The following FNDC3A variants were observed in gnomAD, a reference collection of about 807,000 sequenced individuals.
FNDC3A encodes fibronectin type-III domain-containing protein 3A.
Under a neutral mutation model 148.9 loss-of-function variants are expected in FNDC3A, and 32 were observed. The observed-to-expected ratio is 0.21, with a 90% CI of 0.16 to 0.29. The LOEUF is 0.29. Among genes scored for constraint, FNDC3A ranks in the 10% least tolerant of loss-of-function variants. The pLI, the probability that FNDC3A is intolerant of heterozygous loss-of-function variation, is 1.00. For synonymous variants in FNDC3A, 472 were observed against 473.6 expected (o/e 1.00, Z 0.04); for missense variants, 1,191 against 1,452.8 (o/e 0.82, Z 2.93).
chr13:49,007,768 G>T lies in FNDC3A; in HGVS notation c.99+1479G>T, dbSNP rs191096955. 5.2e-4 allele frequency among the ~76,000 whole-genome samples: 79 copies of T among 152,216 alleles called. 1 individual carries two copies. The highest frequency in any genetic ancestry group is 2.2e-3 in the Admixed American group (33 of 15,276). On this transcript the variant is annotated intron_variant, in intron 2 of 25. Transcript: ENST00000492622. The stretch of plus-strand genomic sequence containing the variant: ...GATCTGGGAATAGAAGAACCTACTA[G>T]CAAGATTTAAAGGAGCAGGTGGAGT...
chr13:49,001,804 C>T (rs569307113), intron 1 of FNDC3A, among the ~76,000 whole-genome samples: 58 of 152,220 alleles, frequency 3.8e-4, no homozygotes, highest in Non-Finnish European at 5.3e-4. Context: ...AGTGCGTGCC[C>T]GAAACTTCAT....
At chr13:48,996,652 A>C (rs977203590) in intron 1 of FNDC3A, among the ~76,000 whole-genome samples, 1 of 152,194 alleles carries the variant, frequency 6.6e-6, no homozygotes, top group Non-Finnish European at 1.5e-5. Flanking sequence ...CCTGGAATCA[A>C]TCCCCTGTAG....
chr13:49,209,251 AG>A lies in FNDC3A; in HGVS notation c.*1857del, dbSNP rs1886790059. On this transcript the variant is annotated 3_prime_UTR_variant, in exon 26 of 26. Transcript: ENST00000492622. ...AATGGTAAAATGTGCCACTGTGTCA[AG>A]TTACAGTGGCTTATGTTTTTCATAG... The A allele has an allele frequency of 6.6e-6, 1 of 152,664 alleles. No homozygotes were observed. 9.5% of individuals were successfully genotyped at this position (152,664 alleles called of 1,614,324 possible).
At position 49,015,237 on chromosome 13, in the gene FNDC3A, A is replaced by C. The variant is rs1593472499; in HGVS notation, c.99+8948A>C. 2.0e-5 allele frequency among the ~76,000 whole-genome samples: 3 copies of C among 152,252 alleles called. No homozygotes were observed. The South Asian group carries it at 6.2e-4, about 32-fold the overall frequency. On this transcript the variant is annotated intron_variant, in intron 2 of 25. Transcript: ENST00000492622. The stretch of plus-strand genomic sequence containing the variant: ...TGATTCTTCCTACCCATTAGCATGG[A>C]ATGTTCTTCCATTTGTTTGTATCCT...
At chr13:49,016,857 G>T (rs1872831743) in intron 2 of FNDC3A, among the ~76,000 whole-genome samples, 2 of 151,358 alleles carry the variant, frequency 1.3e-5, no homozygotes, top group Admixed American at 6.6e-5. Flanking sequence ...ATTTCGTTAT[G>T]TACCCAGTAG....
chr13:49,153,837 G>A (rs1323659811), intron 8 of FNDC3A, among the ~76,000 whole-genome samples: 28 of 113,242 alleles, frequency 2.5e-4, no homozygotes, highest in African/African-American at 9.4e-4. Flanking sequence ...GTAGATATGC[G>A]GCGTTATTTC....
At chr13:49,045,118 TCTTTCCCTTTCCCTTTCCCTTTC>T (rs1291742103) in intron 2 of FNDC3A, 4 of 188,164 alleles carry the variant, frequency 2.1e-5, no homozygotes, top group East Asian at 1.8e-4. Flanking sequence ...TTTCCTTTTT[TCTTTCCCTTTCCCTTTCCCTTTC>T]CTTTCCCTTT....
At chr13:49,166,215 G>A (rs1353360896) in intron 8 of FNDC3A, among the ~76,000 whole-genome samples, 2 of 152,172 alleles carry the variant, frequency 1.3e-5, no homozygotes, top group Admixed American at 1.3e-4. Flanking sequence ...TTGCGCTTTG[G>A]CCCCAGCTGC....
chr13:49,127,555 A>G (rs1444921483), intron 4 of FNDC3A, among the ~76,000 whole-genome samples: 1 of 152,158 alleles, frequency 6.6e-6, no homozygotes, highest in African/African-American at 2.4e-5. Context: ...GACACAGTTA[A>G]TCCTTCCTCC....
Position 49,196,039 on chromosome 13 carries a change from A to G in FNDC3A, c.2227-838A>G, listed in dbSNP as rs1299716549. ...CAGTGAGCCATGTTTGCACCACTGC[A>G]CTCCTGCAGTCTAGGTGATGGAGCC... is the stretch of plus-strand genomic sequence containing the variant. On this transcript the variant is annotated intron_variant, in intron 19 of 25. Transcript: ENST00000492622. Among the ~76,000 whole-genome samples, 6 of 140,568 alleles carry G rather than the reference A, an allele frequency of 4.3e-5. No individual in the cohort carries two copies. In the East Asian group the frequency reaches 1.3e-3, roughly 30 times the overall value. 92.2% of individuals were successfully genotyped at this position (140,568 alleles called of 152,430 possible).
intron 1 of FNDC3A, among the ~76,000 whole-genome samples, chr13:49,002,760 GT>G (rs1382249086): frequency 6.6e-6 from 1 of 152,092 alleles, no homozygotes; most frequent in Non-Finnish European, 1.5e-5. Context: ...TATCCATGTT[GT>G]TTTCTGTATC....
rs144453955 is a variant in FNDC3A, at chr13:49,190,486, C to T, written c.1945-529C>T. ...CATACCTGTGAATAGCAACTGCATT[C>T]CATCCTGGGCAACATACCAAGACCC... is the stretch of plus-strand genomic sequence containing the variant. On this transcript the variant is annotated intron_variant, in intron 17 of 25. Transcript: ENST00000492622. Among the ~76,000 whole-genome samples the T allele has an allele frequency of 4.8e-3, 731 of 152,198 alleles. 3 individuals are homozygous for T. The highest frequency in any genetic ancestry group is 8.2e-3 in the Non-Finnish European group (555 of 68,008).
intron 2 of FNDC3A, among the ~76,000 whole-genome samples, chr13:49,016,014 A>G (rs1952491443): frequency 6.6e-6 from 1 of 152,004 alleles, no homozygotes; most frequent in Non-Finnish European, 1.5e-5. Context: ...CCAGTATTTT[A>G]TTGAGGATTT....
At chr13:49,060,064 T>A (rs1215783714) in intron 2 of FNDC3A, among the ~76,000 whole-genome samples, 1 of 152,200 alleles carries the variant, frequency 6.6e-6, no homozygotes, top group African/African-American at 2.4e-5. Context: ...GTTAGGCACA[T>A]AAAATGGTGC....
intron 19 of FNDC3A, among the ~76,000 whole-genome samples, chr13:49,192,499 G>A (rs576560404): frequency 3.7e-4 from 56 of 152,120 alleles, no homozygotes; most frequent in Middle Eastern, 3.4e-3. Flanking sequence ...GTTTTGTCAT[G>A]TTGCCCAGGT....
chr13:49,185,834 G>A, intron 14 of FNDC3A, 130 bp from the exon 15 acceptor site: 1 of 666,500 alleles, frequency 1.5e-6, no homozygotes, highest in Admixed American at 2.9e-5. Context: ...CAAAGAACAA[G>A]CCATTCCAAG....
chr13:49,162,632 C>T (rs925960824), intron 8 of FNDC3A, among the ~76,000 whole-genome samples: 16 of 152,170 alleles, frequency 1.1e-4, no homozygotes, highest in South Asian at 2.1e-4. Flanking sequence ...AGTCATTCTC[C>T]GTCCTGTTTT....
At chr13:49,082,957 G>C (rs1165637980) in intron 3 of FNDC3A, among the ~76,000 whole-genome samples, 2 of 152,118 alleles carry the variant, frequency 1.3e-5, no homozygotes, top group Non-Finnish European at 2.9e-5. Flanking sequence ...GGGGTAGCCT[G>C]ACCTGGGTTG....
chr13:49,197,365 GTGA>G (rs775035864), intron 20 of FNDC3A, among the ~76,000 whole-genome samples: 4 of 151,022 alleles, frequency 2.6e-5, no homozygotes, highest in Non-Finnish European at 5.9e-5. Context: ...GTAATAATCA[GTGA>G]TGATAATTAT....
Sources: gnomAD v4.1 joint callset for allele counts (sites outside exome capture counted in the v4.1 genomes callset) on GRCh38, gnomAD v4.1.1 for gene constraint, MANE v1.5 for transcripts, NCBI Gene and HGNC (gene_info 2026-07-23, HGNC 2026-07-21) for gene names.